The following ABHD12 variants were observed in gnomAD, a reference collection of about 807,000 sequenced individuals.
ABHD12 encodes the protein lysophosphatidylserine lipase ABHD12.
In ABHD12, 43 loss-of-function variants were observed where a neutral mutation model predicts 58.3. That is an observed-to-expected ratio of 0.74 (90% CI 0.58 to 0.95). The LOEUF (loss-of-function observed/expected upper bound fraction) is 0.95, where lower values mean the gene tolerates loss of function less well. Ranked by LOEUF, ABHD12 falls within the 40% of genes least tolerant of loss-of-function variation. The pLI is 0.00. For synonymous variants in ABHD12, 219 were observed against 211.2 expected (o/e 1.04, Z -0.32); for missense variants, 539 against 537.2 (o/e 1.00, Z -0.03).
chr20:25,339,688 C>G (rs1301867844), intron 1 of ABHD12: 1 of 1,378,632 alleles, frequency 7.3e-7, no homozygotes, highest in Admixed American at 1.9e-5. Context: ...CAGACCCCAG[C>G]TGTAACCTCG....
chr20:25,314,787 A>G, intron 6 of ABHD12, 138 bp downstream of exon 6: 1 of 972,068 alleles, frequency 1.0e-6, no homozygotes, highest in Non-Finnish European at 1.6e-6. Context: ...GGTCTTTGTC[A>G]GGACCCAGGA....
intron 1 of ABHD12, among the ~76,000 whole-genome samples, chr20:25,354,344 G>A (rs2146071755): frequency 6.6e-6 from 1 of 152,318 alleles, no homozygotes; most frequent in South Asian, 2.1e-4. Flanking sequence ...AGGCAGGCAG[G>A]AAGGTCTGGG....
At chr20:25,360,398 G>A (rs146077212) in intron 1 of ABHD12, among the ~76,000 whole-genome samples, 1 of 151,228 alleles carries the variant, frequency 6.6e-6, no homozygotes, top group South Asian at 2.1e-4. Context: ...GCACCACCAC[G>A]CCCGACTAAT....
Position 25,357,117 on chromosome 20 carries a change from T to C in ABHD12, c.192-17766A>G, listed in dbSNP as rs544165838. Among the ~76,000 whole-genome samples the C allele has an allele frequency of 2.0e-5, 3 of 152,242 alleles. No individual in the cohort carries two copies. The South Asian group carries it at 6.2e-4, about 32-fold the overall frequency. The stretch of plus-strand genomic sequence containing the variant: ...TGCCCCCTTAATCCTGCCAAGGGCC[T>C]CTAAAACTGGTCCAGGACCCTGTGC... On this transcript the variant is annotated intron_variant, in intron 1 of 12. Coordinates refer to ENST00000339157, the MANE Select transcript of ABHD12 (RefSeq NM_001042472.3).
chr20:25,295,750 C>A (rs2088532283), downstream of ABHD12: 1 of 1,449,600 alleles, frequency 6.9e-7, no homozygotes, highest in Non-Finnish European at 9.7e-7. Flanking sequence ...GTTTATTTCC[C>A]AAGCTGAGTA....
intron 2 of ABHD12, among the ~76,000 whole-genome samples, chr20:25,326,092 A>G (rs994634125): frequency 2.0e-5 from 3 of 149,280 alleles, no homozygotes; most frequent in African/African-American, 7.4e-5. Flanking sequence ...AGAAAAGAAA[A>G]AAGAAAGGAA....
intron 1 of ABHD12, among the ~76,000 whole-genome samples, chr20:25,379,785 G>A (rs537857564): frequency 1.3e-5 from 2 of 151,976 alleles, no homozygotes; most frequent in African/African-American, 4.8e-5. Context: ...CCAGAGTGCA[G>A]TGGCTTGATC....
At chr20:25,383,611 G>A (rs2146137784) in intron 1 of ABHD12, among the ~76,000 whole-genome samples, 1 of 152,260 alleles carries the variant, frequency 6.6e-6, no homozygotes, top group African/African-American at 2.4e-5. Context: ...ACAAGGTCAG[G>A]AGTTCAAGAC....
intron 1 of ABHD12, among the ~76,000 whole-genome samples, chr20:25,360,059 TGA>T (rs1163533619): frequency 1.3e-5 from 2 of 151,992 alleles, no homozygotes; most frequent in African/African-American, 4.8e-5. Context: ...CCTCTGTCCT[TGA>T]GAGTGGGTAA....
intron 3 of ABHD12, among the ~76,000 whole-genome samples, chr20:25,321,113 G>A (rs1039860888): frequency 6.6e-5 from 10 of 152,098 alleles, no homozygotes; most frequent in South Asian, 4.1e-4. Flanking sequence ...CATTTCTAAC[G>A]TCTCTCTCTG....
chr20:25,327,619 G>C (rs1355939145), intron 2 of ABHD12, among the ~76,000 whole-genome samples: 1 of 152,160 alleles, frequency 6.6e-6, no homozygotes, highest in Non-Finnish European at 1.5e-5. Flanking sequence ...CTAATTTTGG[G>C]AGGAACTTAG....
At chr20:25,388,972 A>T (rs892252961) in intron 1 of ABHD12, among the ~76,000 whole-genome samples, 1 of 151,756 alleles carries the variant, frequency 6.6e-6, no homozygotes, top group Non-Finnish European at 1.5e-5. Flanking sequence ...ACGCCCGGCT[A>T]ATTTTGTATT....
At chr20:25,386,114 T>C (rs1364001901) in intron 1 of ABHD12, among the ~76,000 whole-genome samples, 2 of 149,950 alleles carry the variant, frequency 1.3e-5, no homozygotes, top group Admixed American at 6.7e-5. Flanking sequence ...AAAATAATAA[T>C]AATAATAATA....
intron 1 of ABHD12, among the ~76,000 whole-genome samples, chr20:25,359,911 A>G (rs530256912): frequency 3.0e-4 from 45 of 152,288 alleles, no homozygotes; most frequent in Non-Finnish European, 4.6e-4. Flanking sequence ...TTTGTCTGAC[A>G]TTATAGAAGT....
chr20:25,298,678 C>T (rs1032387986), downstream of ABHD12, among the ~76,000 whole-genome samples: 1 of 152,228 alleles, frequency 6.6e-6, no homozygotes, highest in African/African-American at 2.4e-5. Context: ...TTTGCACCTG[C>T]AACTTTTGTC....
intron 1 of ABHD12, among the ~76,000 whole-genome samples, chr20:25,365,104 T>C (rs1015742054): frequency 3.3e-5 from 5 of 152,262 alleles, no homozygotes; most frequent in Non-Finnish European, 7.3e-5. Context: ...AGTGTTATCC[T>C]AACTAATTCT....
At chr20:25,344,671 G>A (rs1301497234) in intron 1 of ABHD12, among the ~76,000 whole-genome samples, 1 of 152,154 alleles carries the variant, frequency 6.6e-6, no homozygotes, top group African/African-American at 2.4e-5. Context: ...TGATCCTAAA[G>A]TTTATATGGA....
At chr20:25,379,893 T>A (rs2090002540) in intron 1 of ABHD12, among the ~76,000 whole-genome samples, 1 of 152,106 alleles carries the variant, frequency 6.6e-6, no homozygotes, top group Admixed American at 6.5e-5. Flanking sequence ...TCTCCCTTCA[T>A]TGCCCAGGCT....
In ABHD12 at chr20:25,323,256, C is replaced by G. The variant is rs114038555; in HGVS notation, c.422+69G>C. 1,523 of 952,976 alleles carry G rather than the reference C, an allele frequency of 1.6e-3. 12 individuals are homozygous for G. The African/African-American group carries it at 0.022, about 14-fold the overall frequency. 59.0% of individuals were successfully genotyped at this position (952,976 alleles called of 1,614,324 possible). A position where few individuals can be genotyped will look rare whatever the true frequency, so the allele number is the denominator to read the frequency against. ...ACATTTCAGAGGCCAATGTCAAAGACAGCACCAGCTCAGTCATGTAGGGTC... is the reference window on the plus strand; with the variant it reads ...ACATTTCAGAGGCCAATGTCAAAGAGAGCACCAGCTCAGTCATGTAGGGTC... On this transcript the variant is annotated intron_variant, in intron 3 of 12. Transcript: ENST00000339157.
Sources: allele counts gnomAD v4.1 joint callset (sites outside exome capture counted in the v4.1 genomes callset), GRCh38; gene constraint gnomAD v4.1.1; transcripts MANE v1.5; gene names NCBI Gene and HGNC (gene_info 2026-07-23, HGNC 2026-07-21).